CFAP46: variants seen among roughly 807,000 people sequenced by gnomAD.
CFAP46 encodes the protein cilia- and flagella-associated protein 46.
Under a neutral mutation model 325.7 loss-of-function variants are expected in CFAP46, and 245 were observed. The ratio of observed to expected loss-of-function variants is 0.75; its 90% CI spans 0.68 to 0.84. CFAP46 has a LOEUF of 0.84. Among genes scored for constraint, CFAP46 ranks in the 40% least tolerant of loss-of-function variants. CFAP46 has a pLI of 0.00. For synonymous variants in CFAP46, 1,523 were observed against 1,495.9 expected (o/e 1.02, Z -0.42); for missense variants, 3,346 against 3,543.0 (o/e 0.94, Z 1.41).
chr10:132,835,201 G>A, intron 47 of CFAP46, 103 bp downstream of exon 47: 2 of 1,477,506 alleles, frequency 1.4e-6, no homozygotes, highest in Non-Finnish European at 1.8e-6. Flanking sequence ...TCAGCAGCCT[G>A]GCCTAGCGCC....
At chr10:132,906,768 G>A (rs1434853675) in intron 22 of CFAP46, among the ~76,000 whole-genome samples, 1 of 123,550 alleles carries the variant, frequency 8.1e-6, no homozygotes. Flanking sequence ...CCTGGGCACC[G>A]AGAAGAGTGA....
rs1277061464 is a variant in CFAP46 at position 132,860,495 on chromosome 10, T to C, written c.5120A>G (p.Asn1707Ser). ...TTCTTTCTTGAGGATCTTGAAGGCATTGATGAGCTTCTGAAATATGTGACA... is the reference window on the plus strand; with the variant it reads ...TTCTTTCTTGAGGATCTTGAAGGCACTGATGAGCTTCTGAAATATGTGACA... Reference protein sequence around the residue: ...TVCHIFQKLINAFKILKKERP... With the variant: ...TVCHIFQKLISAFKILKKERP... Residue 1707 changes from asparagine to serine, a missense_variant, in exon 37 of 58, where the codon AAT (asparagine) becomes AGT (serine). Asn to Ser is a conservative substitution (Grantham distance 46). Transcript: ENST00000368586. 7 of 1,550,920 alleles carry C rather than the reference T, an allele frequency of 4.5e-6. No individual in the cohort carries two copies. The African/African-American group carries it at 5.5e-5, about 12-fold the overall frequency.
Position 132,876,168 on chromosome 10 carries a change from C to T in CFAP46, c.4362+644G>A, listed in dbSNP as rs985072441. Among the ~76,000 whole-genome samples the T allele has an allele frequency of 2.6e-5, 4 of 152,248 alleles. No individual in the cohort carries two copies. The highest frequency in any genetic ancestry group is 4.1e-4 in the South Asian group (2 of 4,834). Reference sequence around the variant, plus strand: ...AAGGGGAATGCCCCTGCCCACCCACCGGCTGCTGATATTGAGGGGAGTGGC... The same window carrying T: ...AAGGGGAATGCCCCTGCCCACCCACTGGCTGCTGATATTGAGGGGAGTGGC... On this transcript the variant is annotated intron_variant, in intron 31 of 57. Transcript: ENST00000368586. This position sits in a 1 kb window ranked among gnomAD's most constrained non-coding sequence, Gnocchi z 4.1.
chr10:132,846,329 T>A, intron 43 of CFAP46, 102 bp from the exon 44 acceptor site: 1 of 1,387,604 alleles, frequency 7.2e-7, no homozygotes, highest in Non-Finnish European at 9.6e-7. Flanking sequence ...GGAGCAGGAG[T>A]GGGCTGGCTC....
chr10:132,836,059 G>A (rs1348972425), intron 46 of CFAP46, 83 bp downstream of exon 46: 13 of 290,566 alleles, frequency 4.5e-5, no homozygotes, highest in East Asian at 1.5e-4. Flanking sequence ...TCCCCCTCCC[G>A]ACACAGCCCT....
At chr10:132,917,352 G>C (rs1252647892) in intron 16 of CFAP46, among the ~76,000 whole-genome samples, 7 of 152,258 alleles carry the variant, frequency 4.6e-5, no homozygotes, top group African/African-American at 1.7e-4. Flanking sequence ...GGCCACACTT[G>C]TGTTGGTGCA....
At chr10:132,875,356 T>C (rs1848944215) in intron 31 of CFAP46, among the ~76,000 whole-genome samples, 1 of 152,212 alleles carries the variant, frequency 6.6e-6, no homozygotes, top group African/African-American at 2.4e-5. Flanking sequence ...CAGTAAAAAC[T>C]CTACCAGGGT....
rs3750587 is a variant in CFAP46, at chr10:132,812,789, C to A, written c.7497G>T (p.Leu2499Phe). 98,005 of 1,610,580 alleles carry A rather than the reference C, an allele frequency of 0.061. 3,265 individuals are homozygous for A. The highest frequency in any genetic ancestry group is 0.078 in the East Asian group (3,520 of 44,870). ...ILVERLVAMN[L>F]QECQVAVLLD... ...TGCTGAGAGGACACCTCTCACCTTG[C>A]AAGTTCATGGCGACCAATCTCTCCA... Residue 2499 changes from leucine (L) to phenylalanine (F), a missense_variant, in exon 55 of 58, where the codon TTG becomes TTT. Transcript: ENST00000368586.
In CFAP46 at chr10:132,828,896, G is replaced by A. The variant is rs76381359; in HGVS notation, c.7117+4462C>T. Among the ~76,000 whole-genome samples, 2,794 of 152,184 alleles carry A rather than the reference G, an allele frequency of 0.018. 55 individuals are homozygous for A. The highest frequency in any genetic ancestry group is 0.041 in the Middle Eastern group (12 of 294). On this transcript the variant is annotated intron_variant, in intron 50 of 57. Transcript: ENST00000368586. The surrounding 1 kb of genome is among the most constrained non-coding windows in gnomAD (Gnocchi z 4.9). ...CACCACCCGGCTGTGCACCTGTGGC[G>A]TGCTTCTGGTTCCCCGCCCCATCCC...
chr10:132,820,210 T>C (rs557693810), intron 50 of CFAP46, among the ~76,000 whole-genome samples: 25 of 152,346 alleles, frequency 1.6e-4, no homozygotes, highest in African/African-American at 5.5e-4. Flanking sequence ...GGCGACAACA[T>C]GGATGAACCT....
chr10:132,826,078 C>T (rs1346627368), intron 50 of CFAP46, among the ~76,000 whole-genome samples: 1 of 141,066 alleles, frequency 7.1e-6, no homozygotes, highest in African/African-American at 2.7e-5. Context: ...GCCACGGAGC[C>T]AGGCAGGAGC....
rs1188488525 is a variant in CFAP46 at position 132,866,099 on chromosome 10, C to T, written c.4816G>A (p.Ala1606Thr). The T allele has an allele frequency of 5.2e-6, 8 of 1,547,100 alleles. No individual in the cohort carries two copies. The Admixed American group carries it at 1.6e-4, about 31-fold the overall frequency. The change falls in exon 35 of 58, where the codon GCA (alanine) becomes ACA (threonine). Residue 1606 changes from alanine (A) to threonine (T), a missense_variant. Ala to Thr is a moderately conservative substitution (Grantham distance 58). Transcript: ENST00000368586. ...AGGTTCATCTCCAGCAGAACTTCTG[C>T]CTTCAGCATCCACAGGTGGGGAAAG... ...TSFPHLWMLKAEVLLEMNLYQ... is the reference protein window; with the variant it reads ...TSFPHLWMLKTEVLLEMNLYQ...
chr10:132,822,587 CTG>C (rs1194023517), intron 50 of CFAP46, among the ~76,000 whole-genome samples: 3 of 116,726 alleles, frequency 2.6e-5, no homozygotes, highest in South Asian at 3.2e-4. Context: ...GTGCTGTGTG[CTG>C]TGTGAGTGCT....
Position 132,893,745 on chromosome 10 carries a change from C to G in CFAP46, c.3220-1328G>C, listed in dbSNP as rs144228785. 9.4e-3 allele frequency among the ~76,000 whole-genome samples: 1,434 copies of G among 152,338 alleles called. 13 individuals are homozygous for G. The highest frequency in any genetic ancestry group is 0.043 in the South Asian group (209 of 4,830). ...GGCCTCTTCCCAGTGTACTTTCTTT[C>G]CTGTTCTAAAGCTCTTTGATAAACT... On this transcript the variant is annotated intron_variant, in intron 24 of 57. Coordinates refer to ENST00000368586, the MANE Select transcript of CFAP46 (RefSeq NM_001200049.3).
chr10:132,841,136 AC>A (rs1271078295), intron 44 of CFAP46, among the ~76,000 whole-genome samples: 1 of 151,984 alleles, frequency 6.6e-6, no homozygotes, highest in Non-Finnish European at 1.5e-5. Flanking sequence ...ATTCCTACAA[AC>A]CCCGTAGCCC....
At chr10:132,924,922 C>G (rs1422197433) in intron 10 of CFAP46, 36 bp from the exon 11 acceptor site, 1 of 1,357,076 alleles carries the variant, frequency 7.4e-7, no homozygotes, top group Non-Finnish European at 9.5e-7. Context: ...AGGGAGGTTG[C>G]TGGCTCGAGC....
At chr10:132,888,072 C>A (rs2135421228) in intron 25 of CFAP46, among the ~76,000 whole-genome samples, 1 of 149,742 alleles carries the variant, frequency 6.7e-6, no homozygotes, top group South Asian at 2.1e-4. Context: ...CTCTCCTCTT[C>A]TCTCCCTCTC....
rs1254669124 is a variant in CFAP46 at position 132,860,798 on chromosome 10, G to A, written c.5075C>T (p.Ser1692Leu). The A allele has an allele frequency of 6.4e-7, 1 of 1,551,052 alleles. No homozygotes were observed. The highest frequency in any genetic ancestry group is 8.7e-7 in the Non-Finnish European group (1 of 1,147,096). The change falls in exon 36 of 58, where the codon TCA becomes TTA. Residue 1692 changes from serine to leucine, a missense_variant. Transcript: ENST00000368586. The part of the protein sequence containing the change: ...LAEALLSMEH[S>L]GREATVCHIF... Reference sequence around the variant, plus strand: ...GCCTCTTACCGTAGCTTCCCTTCCTGAGTGTTCCATGGACAAGAGCGCCTC... The same window carrying A: ...GCCTCTTACCGTAGCTTCCCTTCCTAAGTGTTCCATGGACAAGAGCGCCTC...
rs1849033400 is a variant in CFAP46, at chr10:132,880,930, A to G, written c.3730T>C (p.Trp1244Arg). 6.4e-7 allele frequency: 1 copy of G among 1,550,394 alleles called. No individual in the cohort carries two copies. The highest frequency in any genetic ancestry group is 8.7e-7 in the Non-Finnish European group (1 of 1,146,908). Residue 1244 changes from tryptophan (W) to arginine (R), a missense_variant, in exon 28 of 58, where the codon TGG becomes CGG. Trp to Arg is a moderately radical substitution (Grantham distance 101). Coordinates refer to ENST00000368586, the MANE Select transcript of CFAP46 (RefSeq NM_001200049.3). ...PLEDVVFHLR[W>R]AVEILLAMKP... ...ATGGCCAGCAGGATCTCGACAGCCC[A>G]GCGGAGGTGGAAGACCACGTCCTCG...
Sources: allele counts gnomAD v4.1 joint callset (sites outside exome capture counted in the v4.1 genomes callset), GRCh38; gene constraint gnomAD v4.1.1; non-coding constraint Gnocchi (gnomAD v3.1); transcripts MANE v1.5; gene names NCBI Gene and HGNC (gene_info 2026-07-23, HGNC 2026-07-21).